Variants in BRD10 observed in about 807,000 individuals in gnomAD.
The protein encoded by BRD10 is bromodomain containing 10, also known as uncharacterized bromodomain-containing protein 10.
chr9:5,966,455 CTTTTTT>C, the BRD10 span, among the ~76,000 whole-genome samples: 2 of 83,750 alleles, frequency 2.4e-5, no homozygotes, highest in Non-Finnish European at 4.3e-5. Flanking sequence ...CTAACATTTC[CTTTTTT>C]TTTTTTTTTT....
At chr9:5,900,426 T>C in the BRD10 span, among the ~76,000 whole-genome samples, 110,024 of 152,050 alleles carry the variant, frequency 0.72, 39,978 homozygotes, top group Non-Finnish European at 0.76. Context: ...TCTAGAAAAG[T>C]CAGTTTGGAG....
the BRD10 span, among the ~76,000 whole-genome samples, chr9:5,989,147 T>G: frequency 1.3e-5 from 2 of 149,500 alleles, no homozygotes; most frequent in African/African-American, 4.9e-5. Flanking sequence ...GGAGAATCAC[T>G]TGAACCAGGA....
the BRD10 span, chr9:5,922,093 A>C: frequency 6.2e-7 from 1 of 1,614,004 alleles, no homozygotes; most frequent in South Asian, 1.1e-5. Flanking sequence ...TATTGGGTGA[A>C]TTTTGATCTG....
the BRD10 span, chr9:5,929,190 G>C: frequency 9.1e-7 from 1 of 1,097,826 alleles, no homozygotes; most frequent in South Asian, 1.4e-5. Context: ...AAATCCCTTA[G>C]ATTTATTCTA....
chr9:5,941,808 T>G, the BRD10 span, among the ~76,000 whole-genome samples: 1 of 152,086 alleles, frequency 6.6e-6, no homozygotes, highest in Non-Finnish European at 1.5e-5. Flanking sequence ...ACTTTTAAAA[T>G]GGAATGTTTA....
the BRD10 span, among the ~76,000 whole-genome samples, chr9:5,888,705 C>T: frequency 2.0e-5 from 3 of 152,210 alleles, no homozygotes; most frequent in African/African-American, 7.2e-5. Flanking sequence ...ATCATCGAAG[C>T]TGATCCTCTT....
At chr9:5,880,180 A>G in the BRD10 span, among the ~76,000 whole-genome samples, 1 of 151,356 alleles carries the variant, frequency 6.6e-6, no homozygotes, top group Non-Finnish European at 1.5e-5. Flanking sequence ...CAGCCTCCCA[A>G]AGTGCTGGGA....
At chr9:5,907,202 G>T in the BRD10 span, 1 of 338,480 alleles carries the variant, frequency 3.0e-6, no homozygotes, top group Non-Finnish European at 5.3e-6. Context: ...AACAAGGGAA[G>T]TACAGATATT....
chr9:5,971,052 CAAAAAAAAAA>C, the BRD10 span, among the ~76,000 whole-genome samples: 30 of 43,198 alleles, frequency 6.9e-4, no homozygotes, highest in Non-Finnish European at 9.5e-4. Flanking sequence ...AGCAACGTCT[CAAAAAAAAAA>C]AAAAAAAAAA....
chr9:5,961,903 A>C, the BRD10 span, among the ~76,000 whole-genome samples: 2 of 152,078 alleles, frequency 1.3e-5, no homozygotes, highest in Admixed American at 1.3e-4. Context: ...CGGTCTATCA[A>C]TTTTGTTGAT....
chr9:5,923,570 C>G, the BRD10 span, among the ~76,000 whole-genome samples: 1 of 152,148 alleles, frequency 6.6e-6, no homozygotes, highest in Non-Finnish European at 1.5e-5. Context: ...GTCAAGAATT[C>G]TGCTAATTCT....
At chr9:5,929,690 C>T in the BRD10 span, among the ~76,000 whole-genome samples, 1 of 152,124 alleles carries the variant, frequency 6.6e-6, no homozygotes, top group African/African-American at 2.4e-5. Context: ...TACCCTAATG[C>T]TATACTAAGA....
the BRD10 span, chr9:5,919,543 A>AACACACATACAC: frequency 2.7e-6 from 1 of 368,788 alleles, no homozygotes; most frequent in Non-Finnish European, 4.7e-6. Flanking sequence ...GATACATTAA[A>AACACACATACAC]ACACACACAC....
the BRD10 span, among the ~76,000 whole-genome samples, chr9:5,982,255 T>C: frequency 2.0e-5 from 3 of 152,158 alleles, no homozygotes; most frequent in Admixed American, 6.5e-5. Context: ...CTGAACACAA[T>C]ATATAAAACA....
the BRD10 span, among the ~76,000 whole-genome samples, chr9:5,948,239 G>A: frequency 1.3e-5 from 2 of 152,070 alleles, no homozygotes; most frequent in Non-Finnish European, 2.9e-5. Context: ...AACTAACAGA[G>A]GTAAAGTGAC....
the BRD10 span, among the ~76,000 whole-genome samples, chr9:5,918,481 CA>C: frequency 1.3e-5 from 2 of 152,056 alleles, no homozygotes. Flanking sequence ...TTTGGGAGGC[CA>C]AGGTAGGTGG....
At chr9:5,985,754 C>T in the BRD10 span, among the ~76,000 whole-genome samples, 3 of 150,666 alleles carry the variant, frequency 2.0e-5, no homozygotes, top group South Asian at 2.1e-4. Flanking sequence ...CACTGCACTC[C>T]AGCCTGGGCA....
chr9:5,998,221 G>A, the BRD10 span, among the ~76,000 whole-genome samples: 1 of 152,134 alleles, frequency 6.6e-6, no homozygotes, highest in African/African-American at 2.4e-5. Context: ...AACAGTAGGA[G>A]ACCTGGAGAC....
chr9:5,969,510 T>A, the BRD10 span: 1 of 1,065,360 alleles, frequency 9.4e-7, no homozygotes, highest in Non-Finnish European at 1.3e-6. Context: ...AGTATATTTA[T>A]CTTTAGCCAA....
Sources: gnomAD v4.1 joint callset for allele counts (sites outside exome capture counted in the v4.1 genomes callset) on GRCh38, gnomAD v4.1.1 for gene constraint, MANE v1.5 for transcripts, NCBI Gene and HGNC (gene_info 2026-07-23, HGNC 2026-07-21) for gene names.